Variants in CREB5 observed in about 807,000 individuals in gnomAD.
CREB5 encodes the protein cyclic AMP-responsive element-binding protein 5.
CREB5 carries 19 observed loss-of-function variants against 57.1 expected under a neutral mutation model. The ratio of observed to expected loss-of-function variants is 0.33; its 90% CI spans 0.23 to 0.49. The LOEUF is 0.49. CREB5 is among the 20% of genes least tolerant of loss of function. The probability of loss-of-function intolerance (pLI) is 0.99; values close to 1 mark genes in which losing one functional copy is unlikely to be tolerated. For missense variants in CREB5, 579 were observed against 671.6 expected (o/e 0.86, Z 1.52); for synonymous variants, 238 against 238.3 (o/e 1.00, Z 0.01).
intron 4 of CREB5, among the ~76,000 whole-genome samples, chr7:28,537,083 G>A (rs1793991060): frequency 6.6e-6 from 1 of 152,208 alleles, no homozygotes; most frequent in South Asian, 2.1e-4. Context: ...TGGGAGGATT[G>A]GCTCCATTTT....
At chr7:28,572,895 G>A (rs981002718) in intron 5 of CREB5, among the ~76,000 whole-genome samples, 6 of 152,112 alleles carry the variant, frequency 3.9e-5, no homozygotes, top group Non-Finnish European at 5.9e-5. Context: ...GTTGTGTGTC[G>A]CTCCTGGTGT....
intron 1 of CREB5, among the ~76,000 whole-genome samples, chr7:28,377,931 CAA>C (rs57930477): frequency 4.4e-5 from 5 of 112,396 alleles, no homozygotes; most frequent in Non-Finnish European, 7.1e-5. Context: ...GACTCTATCT[CAA>C]AAAAAAAAAA....
intron 4 of CREB5, 134 bp downstream of exon 4, chr7:28,507,871 T>C (rs1441400531): frequency 9.0e-7 from 1 of 1,110,076 alleles, no homozygotes; most frequent in South Asian, 3.4e-5. Flanking sequence ...ATTTGTCTAA[T>C]TTTTTTTAAA....
intron 7 of CREB5, among the ~76,000 whole-genome samples, chr7:28,724,926 T>C (rs1803249061): frequency 1.3e-5 from 2 of 152,216 alleles, no homozygotes; most frequent in African/African-American, 4.8e-5. Context: ...CAATCACAGA[T>C]AGAGTTATGC....
intron 1 of CREB5, among the ~76,000 whole-genome samples, chr7:28,346,949 T>C (rs1483897985): frequency 1.3e-5 from 2 of 152,150 alleles, no homozygotes; most frequent in African/African-American, 4.8e-5. Flanking sequence ...TACCACTGGG[T>C]TGGCCTTGGT....
chr7:28,600,264 G>C (rs564685971), intron 5 of CREB5, among the ~76,000 whole-genome samples: 5 of 152,244 alleles, frequency 3.3e-5, no homozygotes, highest in Admixed American at 2.6e-4. Context: ...GAATTGCTGA[G>C]TAGGAAATGG....
intron 1 of CREB5, among the ~76,000 whole-genome samples, chr7:28,395,994 A>G (rs1259859532): frequency 6.6e-6 from 1 of 152,226 alleles, no homozygotes; most frequent in Admixed American, 6.5e-5. Context: ...CAAGGCAATC[A>G]TCAGCTCAAT....
intron 5 of CREB5, among the ~76,000 whole-genome samples, chr7:28,678,217 G>A (rs139673806): frequency 0.014 from 2,166 of 152,046 alleles, 90 homozygotes; most frequent in Admixed American, 0.078. Flanking sequence ...GTGAAACCCC[G>A]TCCCTACTAA....
intron 7 of CREB5, among the ~76,000 whole-genome samples, chr7:28,793,232 C>T (rs540061263): frequency 1.3e-5 from 2 of 152,256 alleles, no homozygotes; most frequent in East Asian, 1.9e-4. Context: ...GACCCAAATA[C>T]ACCATCACTA....
chr7:28,464,407 C>A (rs368252474), intron 1 of CREB5, among the ~76,000 whole-genome samples: 1 of 151,238 alleles, frequency 6.6e-6, no homozygotes, highest in Non-Finnish European at 1.5e-5. Flanking sequence ...GAAAAATTTT[C>A]GAACTATTGG....
At chr7:28,393,831 T>G (rs1787278127) in intron 1 of CREB5, among the ~76,000 whole-genome samples, 1 of 152,036 alleles carries the variant, frequency 6.6e-6, no homozygotes, top group Non-Finnish European at 1.5e-5. Flanking sequence ...TCCCAGCACT[T>G]TGGGAGGCCA....
Position 28,819,323 on chromosome 7 carries a change from C to T in CREB5, c.*44C>T, listed in dbSNP as rs1196744759. ...GCCTCCAAGAAGAGCTGTAGCGTAC[C>T]ATGCGTCCTTTCTTTTAAGGGCATT... On this transcript the variant is annotated 3_prime_UTR_variant, in exon 11 of 11. Coordinates refer to ENST00000357727, the MANE Select transcript of CREB5 (RefSeq NM_182898.4). 1.3e-6 allele frequency: 2 copies of T among 1,565,410 alleles called. No individual in the cohort carries two copies. Among genetic ancestry groups the T allele is most frequent in the East Asian group, 2.3e-5 (1 of 44,340 alleles).
intron 1 of CREB5, among the ~76,000 whole-genome samples, chr7:28,302,903 A>T (rs901250868): frequency 6.6e-6 from 1 of 152,232 alleles, no homozygotes; most frequent in Non-Finnish European, 1.5e-5. Flanking sequence ...AACTTGAAAG[A>T]AAAGCAATGC....
At chr7:28,700,380 C>T (rs1801787613) in intron 5 of CREB5, among the ~76,000 whole-genome samples, 1 of 152,174 alleles carries the variant, frequency 6.6e-6, no homozygotes, top group Non-Finnish European at 1.5e-5. Context: ...TCCCATTACA[C>T]CCTCAGCTGA....
chr7:28,740,169 C>T (rs1804253286), intron 7 of CREB5, among the ~76,000 whole-genome samples: 1 of 152,134 alleles, frequency 6.6e-6, no homozygotes, highest in Non-Finnish European at 1.5e-5. Flanking sequence ...GGTAAGGGAA[C>T]TAGGAAACAT....
chr7:28,604,238 C>T (rs1223959816), intron 5 of CREB5, among the ~76,000 whole-genome samples: 1 of 152,146 alleles, frequency 6.6e-6, no homozygotes, highest in Non-Finnish European at 1.5e-5. Flanking sequence ...CACCTCTGCA[C>T]ACTTGATACT....
rs530481434 is a variant in CREB5, at chr7:28,321,656, G to T, written c.-25+22215G>T. On this transcript the variant is annotated intron_variant, in intron 1 of 9. Transcript: ENST00000396299. ...GATCACTGGGCTAGGGGCAGGAGAG[G>T]GTTGGCAGAGAACCCATCCCAGGGA... Among the ~76,000 whole-genome samples the T allele has an allele frequency of 1.5e-4, 23 of 152,292 alleles. 1 individual carries two copies. The South Asian group carries it at 3.9e-3, about 26-fold the overall frequency.
intron 5 of CREB5, among the ~76,000 whole-genome samples, chr7:28,573,760 G>T (rs1795795593): frequency 6.6e-6 from 1 of 152,180 alleles, no homozygotes; most frequent in Admixed American, 6.5e-5. Context: ...TGGGGACAAA[G>T]GGTAGGCATC....
At chr7:28,478,122 C>G (rs951201589) in intron 1 of CREB5, among the ~76,000 whole-genome samples, 1 of 152,086 alleles carries the variant, frequency 6.6e-6, no homozygotes, top group Non-Finnish European at 1.5e-5. Context: ...AACAGACAAA[C>G]AAACAAACCC....
Sources: allele counts gnomAD v4.1 joint callset (sites outside exome capture counted in the v4.1 genomes callset), GRCh38; gene constraint gnomAD v4.1.1; transcripts MANE v1.5; gene names NCBI Gene and HGNC (gene_info 2026-07-23, HGNC 2026-07-21).